The following LRP1B variants were observed in gnomAD, a reference collection of about 807,000 sequenced individuals.
LRP1B encodes LDL receptor related protein 1B, also known as low-density lipoprotein receptor-related protein 1B.
In LRP1B, 217 loss-of-function variants were observed where a neutral mutation model predicts 556.6. The ratio of observed to expected loss-of-function variants is 0.39; its 90% CI spans 0.35 to 0.44. The LOEUF (loss-of-function observed/expected upper bound fraction) is 0.44, where lower values mean the gene tolerates loss of function less well. Among genes scored for constraint, LRP1B ranks in the 20% least tolerant of loss-of-function variants. The pLI, the probability that LRP1B is intolerant of heterozygous loss-of-function variation, is 1.00. For missense variants in LRP1B, 5,053 were observed against 5,620.8 expected (o/e 0.90, Z 3.23); for synonymous variants, 2,047 against 1,865.8 (o/e 1.10, Z -2.50).
At chr2:140,262,340 T>G (rs551728985) in intron 86 of LRP1B, among the ~76,000 whole-genome samples, 7 of 152,302 alleles carry the variant, frequency 4.6e-5, no homozygotes, top group Non-Finnish European at 1.0e-4. Context: ...GCACAGATTT[T>G]AAGACTAATT....
chr2:141,648,982 G>T (rs1689684728), intron 2 of LRP1B, among the ~76,000 whole-genome samples: 1 of 152,166 alleles, frequency 6.6e-6, no homozygotes, highest in Admixed American at 6.6e-5. Context: ...AAGGAAATCT[G>T]ACCACTATGA....
chr2:140,285,076 A>G (rs1683083417), intron 84 of LRP1B, among the ~76,000 whole-genome samples: 2 of 149,774 alleles, frequency 1.3e-5, no homozygotes, highest in South Asian at 2.1e-4. Context: ...ATATTTATAT[A>G]TGGATAATCC....
At chr2:141,179,921 G>A (rs1387707213) in intron 7 of LRP1B, among the ~76,000 whole-genome samples, 5 of 143,630 alleles carry the variant, frequency 3.5e-5, no homozygotes, top group African/African-American at 1.0e-4. Context: ...GGTTGAATGC[G>A]ATTATATAGC....
At chr2:141,222,632 A>G (rs2105279360) in intron 6 of LRP1B, among the ~76,000 whole-genome samples, 2 of 152,294 alleles carry the variant, frequency 1.3e-5, no homozygotes, top group Middle Eastern at 3.4e-3. Context: ...AAAATCCTCA[A>G]TAAAATACCA....
intron 43 of LRP1B, among the ~76,000 whole-genome samples, chr2:140,562,790 A>G (rs1680979213): frequency 6.6e-6 from 1 of 151,660 alleles, no homozygotes; most frequent in African/African-American, 2.4e-5. Context: ...CTATTTTTGT[A>G]TTTTTAGTAG....
intron 3 of LRP1B, among the ~76,000 whole-genome samples, chr2:141,255,401 A>G (rs1196176116): frequency 1.3e-5 from 2 of 152,100 alleles, no homozygotes; most frequent in Non-Finnish European, 2.9e-5. Flanking sequence ...AAGGGTTTTG[A>G]AGATCAAAGT....
At chr2:141,796,744 TG>T (rs1695826173) in intron 2 of LRP1B, among the ~76,000 whole-genome samples, 1 of 151,962 alleles carries the variant, frequency 6.6e-6, no homozygotes, top group South Asian at 2.1e-4. Context: ...CATTTGCAGT[TG>T]TAAAGCAGAT....
chr2:141,387,553 G>A (rs1689875909), intron 3 of LRP1B, among the ~76,000 whole-genome samples: 1 of 152,100 alleles, frequency 6.6e-6, no homozygotes, highest in Admixed American at 6.6e-5. Context: ...GAACAAATTA[G>A]ATAGCTTAGA....
chr2:140,939,907 A>G (rs1166420330), intron 20 of LRP1B, among the ~76,000 whole-genome samples: 17 of 122,886 alleles, frequency 1.4e-4, no homozygotes, highest in African/African-American at 4.0e-4. Flanking sequence ...TTTTTTTGAG[A>G]CAGTGTCTCA....
intron 7 of LRP1B, 39 bp downstream of exon 7, chr2:141,188,382 C>T: frequency 6.3e-7 from 1 of 1,584,154 alleles, no homozygotes; most frequent in Non-Finnish European, 8.6e-7. Context: ...TTTTTAAACG[C>T]AAACTTTTTT....
chr2:142,058,364 T>C (rs1226432520), intron 1 of LRP1B, among the ~76,000 whole-genome samples: 1 of 152,130 alleles, frequency 6.6e-6, no homozygotes, highest in African/African-American at 2.4e-5. Context: ...TGCCCTGTTC[T>C]TGCCTCCACC....
chr2:141,896,231 C>T (rs975382567), intron 1 of LRP1B, among the ~76,000 whole-genome samples: 11 of 152,010 alleles, frequency 7.2e-5, no homozygotes, highest in Non-Finnish European at 1.5e-4. Context: ...TCAAACTCAC[C>T]GGGTTCAGCT....
At chr2:141,156,155 G>C (rs1245762891) in intron 7 of LRP1B, among the ~76,000 whole-genome samples, 5 of 152,062 alleles carry the variant, frequency 3.3e-5, no homozygotes, top group South Asian at 2.1e-4. Flanking sequence ...ATAGAAAAAG[G>C]GTAAACACAT....
intron 3 of LRP1B, among the ~76,000 whole-genome samples, chr2:141,411,733 T>A (rs1159036224): frequency 1.3e-5 from 2 of 152,178 alleles, no homozygotes; most frequent in Non-Finnish European, 2.9e-5. Flanking sequence ...GTGTCAAAAA[T>A]TGATTATTAT....
intron 1 of LRP1B, among the ~76,000 whole-genome samples, chr2:141,905,258 A>G (rs932255103): frequency 1.2e-4 from 18 of 151,892 alleles, no homozygotes; most frequent in African/African-American, 4.3e-4. Flanking sequence ...CTCCAAAGGC[A>G]TCTTCTTTAG....
chr2:141,097,663 T>C (rs1700354581), intron 7 of LRP1B, among the ~76,000 whole-genome samples: 1 of 152,154 alleles, frequency 6.6e-6, no homozygotes, highest in African/African-American at 2.4e-5. Flanking sequence ...TGTTAAAAAT[T>C]AGAGATTTTT....
chr2:141,253,083 G>A (rs1573715131), intron 4 of LRP1B, among the ~76,000 whole-genome samples: 1 of 152,204 alleles, frequency 6.6e-6, no homozygotes, highest in Non-Finnish European at 1.5e-5. Context: ...CAGGAGTCAG[G>A]TGTAGTAAAT....
chr2:140,600,807 C>CTTTA (rs1682633730), intron 42 of LRP1B, among the ~76,000 whole-genome samples: 1 of 40,880 alleles, frequency 2.4e-5, no homozygotes, highest in East Asian at 4.9e-4. Flanking sequence ...TAACTGCTTT[C>CTTTA]TTTAAGACAT....
At chr2:140,651,074 C>T (rs2105320433) in intron 41 of LRP1B, among the ~76,000 whole-genome samples, 1 of 152,096 alleles carries the variant, frequency 6.6e-6, no homozygotes, top group South Asian at 2.1e-4. Context: ...GAAAAGAGCA[C>T]CTTAATTCTC....
Sources: allele counts gnomAD v4.1 joint callset (sites outside exome capture counted in the v4.1 genomes callset), GRCh38; gene constraint gnomAD v4.1.1; transcripts MANE v1.5; gene names NCBI Gene and HGNC (gene_info 2026-07-23, HGNC 2026-07-21).